SMG6: variants seen among roughly 807,000 people sequenced by gnomAD.
SMG6 encodes telomerase-binding protein EST1A.
SMG6 carries 66 observed loss-of-function variants against 142.2 expected under a neutral mutation model. The ratio of observed to expected loss-of-function variants is 0.46; its 90% CI spans 0.38 to 0.57. The LOEUF is 0.57. Among genes scored for constraint, SMG6 ranks in the 20% least tolerant of loss-of-function variants. The probability of loss-of-function intolerance (pLI) is 0.00; values close to 1 mark genes in which losing one functional copy is unlikely to be tolerated. For synonymous variants in SMG6, 779 were observed against 702.4 expected (o/e 1.11, Z -1.72); for missense variants, 1,793 against 1,832.0 (o/e 0.98, Z 0.39).
At chr17:2,113,971 A>T (rs1250527412) in intron 13 of SMG6, among the ~76,000 whole-genome samples, 1 of 152,240 alleles carries the variant, frequency 6.6e-6, no homozygotes, top group Non-Finnish European at 1.5e-5. Context: ...CTCATTTCTT[A>T]AAAACTAGCA....
intron 13 of SMG6, among the ~76,000 whole-genome samples, chr17:2,146,574 T>C (rs1449897891): frequency 6.6e-6 from 1 of 152,204 alleles, no homozygotes; most frequent in African/African-American, 2.4e-5. Context: ...AGACTAAGAC[T>C]CTGCCACTCA....
At chr17:2,181,690 G>A (rs780975871) in intron 12 of SMG6, among the ~76,000 whole-genome samples, 3 of 152,218 alleles carry the variant, frequency 2.0e-5, no homozygotes, top group Non-Finnish European at 4.4e-5. Context: ...CCTCTCTGTA[G>A]CCCAGAATGT....
intron 13 of SMG6, among the ~76,000 whole-genome samples, chr17:2,130,084 C>T (rs2070058238): frequency 1.3e-5 from 2 of 150,956 alleles, no homozygotes; most frequent in South Asian, 4.2e-4. Flanking sequence ...ATGGTGAAAT[C>T]CCGTCTCTAC....
chr17:2,088,838 T>A, intron 13 of SMG6: 12 of 985,420 alleles, frequency 1.2e-5, no homozygotes, highest in Non-Finnish European at 1.4e-5. Flanking sequence ...CTGTCTTAAC[T>A]TGGGGGGAAT....
Position 2,085,916 on chromosome 17 carries a change from GGA to G in SMG6, c.3358-17_3358-16del, listed in dbSNP as rs775834991. 12 of 1,612,068 alleles carry G rather than the reference GGA, an allele frequency of 7.4e-6. No homozygotes were observed. The highest frequency in any genetic ancestry group is 1.6e-4 in the Middle Eastern group (1 of 6,082). ...GCTGCAATAACCTACAGGGTGAGAG[GGA>G]GAGAAGAAAAACAGCATTTTCTGAA... On this transcript the variant is annotated splice_polypyrimidine_tract_variant and intron_variant, in intron 13 of 18. Coordinates refer to ENST00000263073, the MANE Select transcript of SMG6 (RefSeq NM_017575.5). The surrounding 1 kb of genome is among the most constrained non-coding windows in gnomAD (Gnocchi z 4.1).
At chr17:2,251,819 G>A (rs979516325) in intron 8 of SMG6, among the ~76,000 whole-genome samples, 6 of 152,048 alleles carry the variant, frequency 3.9e-5, no homozygotes, top group Non-Finnish European at 7.4e-5. Context: ...AGAAAAGAAG[G>A]GGCCAGGCAC....
At chr17:2,112,243 G>C (rs1486208783) in intron 13 of SMG6, among the ~76,000 whole-genome samples, 1 of 151,780 alleles carries the variant, frequency 6.6e-6, no homozygotes, top group African/African-American at 2.4e-5. Context: ...GGTGGCTCAC[G>C]CCTGTAATCC....
chr17:2,125,951 T>TAAAA (rs1597429523), intron 13 of SMG6, among the ~76,000 whole-genome samples: 1 of 25,216 alleles, frequency 4.0e-5, no homozygotes, highest in Non-Finnish European at 7.5e-5. Context: ...AGAACCCATC[T>TAAAA]CAAAAAAAAA....
chr17:2,066,372 CTGTG>C (rs57221830), intron 16 of SMG6, among the ~76,000 whole-genome samples: 20 of 149,682 alleles, frequency 1.3e-4, no homozygotes, highest in African/African-American at 2.0e-4. Flanking sequence ...GTATATGTCT[CTGTG>C]TGTGTGTGTG....
intron 9 of SMG6, among the ~76,000 whole-genome samples, chr17:2,242,926 C>T (rs1284254100): frequency 6.6e-6 from 1 of 152,130 alleles, no homozygotes; most frequent in Non-Finnish European, 1.5e-5. Context: ...CAGTGCTTAG[C>T]AATCCATCCG....
At chr17:2,074,553 G>A (rs995554336) in intron 15 of SMG6, among the ~76,000 whole-genome samples, 1 of 152,182 alleles carries the variant, frequency 6.6e-6, no homozygotes, top group Non-Finnish European at 1.5e-5. Context: ...ATATATTCTT[G>A]CACTCTTTTT....
chr17:2,187,018 T>C (rs887131094), intron 11 of SMG6, among the ~76,000 whole-genome samples, 187 bp from the exon 12 acceptor site: 3 of 152,208 alleles, frequency 2.0e-5, no homozygotes, highest in South Asian at 2.1e-4. Context: ...AGAGAACCAG[T>C]GTACTGGGTC....
intron 13 of SMG6, among the ~76,000 whole-genome samples, chr17:2,172,320 G>C (rs2071529198): frequency 6.6e-6 from 1 of 152,032 alleles, no homozygotes; most frequent in Admixed American, 6.6e-5. Flanking sequence ...GGGCGGGGAG[G>C]AAGGGGGAGA....
At chr17:2,259,512 CA>C (rs568910219) in intron 8 of SMG6, among the ~76,000 whole-genome samples, 34 of 151,842 alleles carry the variant, frequency 2.2e-4, no homozygotes, top group Non-Finnish European at 4.3e-4. Flanking sequence ...CTCATCTCTA[CA>C]AAAAATAAAC....
intron 13 of SMG6, chr17:2,094,692 T>C (rs184821103): frequency 4.6e-5 from 7 of 152,286 alleles, no homozygotes; most frequent in South Asian, 2.1e-4. Flanking sequence ...GCCTGGTATC[T>C]TTCTTAAATA....
intron 15 of SMG6, 86 bp downstream of exon 15, chr17:2,081,724 G>A: frequency 6.7e-7 from 1 of 1,490,094 alleles, no homozygotes; most frequent in Non-Finnish European, 9.2e-7. Context: ...TTAGTGTCCT[G>A]CTCAGCTCTG....
At chr17:2,065,221 G>GCC in intron 17 of SMG6, 67 bp from the exon 18 acceptor site, 1 of 1,196,582 alleles carries the variant, frequency 8.4e-7, no homozygotes. Flanking sequence ...GAGGAGGAGG[G>GCC]ATCCTCTGCC....
intron 4 of SMG6, among the ~76,000 whole-genome samples, chr17:2,295,907 C>T (rs1347932060): frequency 6.6e-6 from 1 of 152,148 alleles, no homozygotes; most frequent in Non-Finnish European, 1.5e-5. Flanking sequence ...CAATCTCATC[C>T]CTCACACCAA....
intron 6 of SMG6, 99 bp downstream of exon 6, chr17:2,292,453 G>C: frequency 8.6e-7 from 1 of 1,166,484 alleles, no homozygotes; most frequent in Non-Finnish European, 1.3e-6. Flanking sequence ...GGGCTACAGT[G>C]ATGAGATGAA....
Sources: gnomAD v4.1 joint callset for allele counts (sites outside exome capture counted in the v4.1 genomes callset) on GRCh38, gnomAD v4.1.1 for gene constraint, Gnocchi (gnomAD v3.1) non-coding constraint, MANE v1.5 for transcripts, NCBI Gene and HGNC (gene_info 2026-07-23, HGNC 2026-07-21) for gene names.